Variants in ADCY2 observed in about 807,000 individuals in gnomAD.
The protein encoded by ADCY2 is adenylate cyclase type 2.
ADCY2 carries 31 observed loss-of-function variants against 125.2 expected under a neutral mutation model. The observed-to-expected ratio is 0.25, with a 90% confidence interval of 0.19 to 0.33. ADCY2 has a LOEUF of 0.33. Ranked by LOEUF, ADCY2 falls within the 10% of genes least tolerant of loss-of-function variation. The probability of loss-of-function intolerance (pLI) is 1.00; values close to 1 mark genes in which losing one functional copy is unlikely to be tolerated. For missense variants in ADCY2, 904 were observed against 1,418.2 expected (o/e 0.64, Z 5.82); for synonymous variants, 512 against 548.4 (o/e 0.93, Z 0.93).
intron 2 of ADCY2, among the ~76,000 whole-genome samples, chr5:7,421,707 T>TTGTG (rs1740211937): frequency 2.0e-5 from 3 of 152,236 alleles, no homozygotes; most frequent in Non-Finnish European, 2.9e-5. Flanking sequence ...AGTGCTGCTC[T>TTGTG]GAGGTTCACT....
At chr5:7,606,317 AT>A (rs912233229) in intron 3 of ADCY2, among the ~76,000 whole-genome samples, 10 of 152,220 alleles carry the variant, frequency 6.6e-5, no homozygotes, top group African/African-American at 2.2e-4. Flanking sequence ...ATATGGAAAA[AT>A]TTTTTTTAAA....
At chr5:7,661,827 A>C (rs1196521257) in intron 4 of ADCY2, among the ~76,000 whole-genome samples, 1 of 152,198 alleles carries the variant, frequency 6.6e-6, no homozygotes, top group Non-Finnish European at 1.5e-5. Flanking sequence ...GAATTTAAAC[A>C]TTCTTTTCCT....
intron 2 of ADCY2, among the ~76,000 whole-genome samples, chr5:7,417,853 C>G (rs573092402): frequency 6.6e-6 from 1 of 152,352 alleles, no homozygotes; most frequent in East Asian, 1.9e-4. Context: ...TCTCCAGTAT[C>G]CTATCCTTAC....
chr5:7,443,649 A>G (rs1741104134), intron 2 of ADCY2, among the ~76,000 whole-genome samples: 2 of 146,806 alleles, frequency 1.4e-5, no homozygotes, highest in South Asian at 2.3e-4. Context: ...CAAAAAAAAA[A>G]AAAAAAAAAA....
chr5:7,810,197 G>A (rs1744888245), intron 22 of ADCY2, among the ~76,000 whole-genome samples: 2 of 152,146 alleles, frequency 1.3e-5, no homozygotes, highest in East Asian at 1.9e-4. Flanking sequence ...AATGATCCAG[G>A]TACTCCTGAA....
intron 14 of ADCY2, among the ~76,000 whole-genome samples, chr5:7,729,724 T>A (rs1002436012): frequency 4.7e-5 from 7 of 149,966 alleles, no homozygotes; most frequent in Middle Eastern, 3.4e-3. Context: ...GTATATATAT[T>A]TTTTTCATTA....
At chr5:7,470,634 A>ATG (rs35202661) in intron 2 of ADCY2, among the ~76,000 whole-genome samples, 1,679 of 147,642 alleles carry the variant, frequency 0.011, 11 homozygotes, top group African/African-American at 0.016. Flanking sequence ...TACTGTATAT[A>ATG]TGTGTGTGTG....
chr5:7,552,955 C>T (rs1023605983), intron 3 of ADCY2, among the ~76,000 whole-genome samples: 5 of 152,140 alleles, frequency 3.3e-5, no homozygotes, highest in African/African-American at 1.2e-4. Context: ...GCTGGCCAAG[C>T]CTGGGGCTTT....
intron 14 of ADCY2, among the ~76,000 whole-genome samples, chr5:7,743,354 T>C (rs77195585): frequency 0.012 from 1,768 of 150,890 alleles, 26 homozygotes; most frequent in African/African-American, 0.041. Context: ...AGATGGGGGA[T>C]GTGGCCAAGT....
chr5:7,444,268 C>T (rs1233789149), intron 2 of ADCY2, among the ~76,000 whole-genome samples: 1 of 151,720 alleles, frequency 6.6e-6, no homozygotes, highest in Non-Finnish European at 1.5e-5. Flanking sequence ...CGCCCGCCAC[C>T]ACGCCTGGTT....
At position 7,717,169 on chromosome 5, in the gene ADCY2, A is replaced by G; in HGVS notation, c.1635A>G (p.Gln545=). ...FQNRTLRTKS[Q]KKRFEEELNE... is the part of the protein sequence containing the mutation. ...ATTTTTCATATAGAACCAAGTCACA[A>G]AAGAAGAGATTTGAAGAAGAATTGA... Residue 545 remains glutamine (Q), a synonymous_variant, in exon 12 of 25, where the codon CAA becomes CAG. Transcript: ENST00000338316. 4 of 1,610,070 alleles carry G rather than the reference A, an allele frequency of 2.5e-6. No individual in the cohort carries two copies. The highest frequency in any genetic ancestry group is 3.4e-6 in the Non-Finnish European group (4 of 1,177,022).
At chr5:7,424,373 A>G (rs951533219) in intron 2 of ADCY2, among the ~76,000 whole-genome samples, 1 of 152,364 alleles carries the variant, frequency 6.6e-6, no homozygotes, top group South Asian at 2.1e-4. Flanking sequence ...AAGCCCAGAA[A>G]AGTTAACCAA....
chr5:7,669,664 T>C (rs528020171), intron 4 of ADCY2, among the ~76,000 whole-genome samples: 88 of 152,334 alleles, frequency 5.8e-4, no homozygotes, highest in African/African-American at 2.1e-3. Flanking sequence ...GGGAACCAGT[T>C]GCTCCAGTTA....
At chr5:7,758,129 T>C (rs1482310201) in intron 16 of ADCY2, among the ~76,000 whole-genome samples, 2 of 152,186 alleles carry the variant, frequency 1.3e-5, no homozygotes, top group Non-Finnish European at 2.9e-5. Flanking sequence ...TTCATTGAAC[T>C]CCACAGGCTC....
At chr5:7,581,633 C>T (rs1383393796) in intron 3 of ADCY2, among the ~76,000 whole-genome samples, 1 of 150,478 alleles carries the variant, frequency 6.6e-6, no homozygotes, top group Non-Finnish European at 1.5e-5. Context: ...TCCTGGCCAA[C>T]CTGGTGAATC....
intron 4 of ADCY2, among the ~76,000 whole-genome samples, chr5:7,682,447 C>T (rs1740371307): frequency 6.6e-6 from 1 of 152,216 alleles, no homozygotes; most frequent in Non-Finnish European, 1.5e-5. Context: ...ATTCTCACCC[C>T]TTCAAGCTTC....
chr5:7,716,759 C>G (rs1425718043), intron 11 of ADCY2, among the ~76,000 whole-genome samples: 1 of 152,158 alleles, frequency 6.6e-6, no homozygotes, highest in Non-Finnish European at 1.5e-5. Context: ...AGAAGTTTAT[C>G]TCATGGAGGT....
At chr5:7,568,086 T>C (rs1645131494) in intron 3 of ADCY2, among the ~76,000 whole-genome samples, 2 of 152,164 alleles carry the variant, frequency 1.3e-5, no homozygotes, top group Admixed American at 1.3e-4. Flanking sequence ...TGTGATCTGA[T>C]TTTTAGAAAT....
intron 2 of ADCY2, among the ~76,000 whole-genome samples, chr5:7,420,686 T>C (rs1315598429): frequency 1.3e-5 from 2 of 152,110 alleles, no homozygotes; most frequent in African/African-American, 2.4e-5. Context: ...CAATATAACC[T>C]CTGAGTGAAG....
Sources: allele counts gnomAD v4.1 joint callset (sites outside exome capture counted in the v4.1 genomes callset), GRCh38; gene constraint gnomAD v4.1.1; transcripts MANE v1.5; gene names NCBI Gene and HGNC (gene_info 2026-07-23, HGNC 2026-07-21).